The following ZNF585B variants were observed in gnomAD, a reference collection of about 807,000 sequenced individuals.
ZNF585B encodes the protein zinc finger protein 41-like protein.
In ZNF585B, 7 loss-of-function variants were observed where a neutral mutation model predicts 14.0. The observed-to-expected ratio is 0.50, with a 90% CI of 0.28 to 0.94. The LOEUF (loss-of-function observed/expected upper bound fraction) is 0.94, where lower values mean the gene tolerates loss of function less well. Among genes scored for constraint, ZNF585B ranks in the 40% least tolerant of loss-of-function variants. The probability of loss-of-function intolerance (pLI) is 0.09; values close to 1 mark genes in which losing one functional copy is unlikely to be tolerated. For synonymous variants in ZNF585B, 290 were observed against 317.3 expected, an observed-to-expected ratio of 0.91 and a Z score of 0.91; for missense variants, 750 against 924.4, an observed-to-expected ratio of 0.81 and a Z score of 2.45.
intron 2 of ZNF585B, chr19:37,190,570 G>GTT: frequency 6.7e-6 from 1 of 149,988 alleles, no homozygotes; most frequent in Non-Finnish European, 1.4e-5. Flanking sequence ...TTTTGTTTTT[G>GTT]TTTTTTTTCC....
chr19:37,198,644 G>A (rs1264420900), intron 2 of ZNF585B, among the ~76,000 whole-genome samples: 1 of 151,424 alleles, frequency 6.6e-6, no homozygotes, highest in East Asian at 2.0e-4. Context: ...GCTGAGACAG[G>A]AGAATCTCTT....
At chr19:37,201,355 T>C (rs1972529171) in intron 2 of ZNF585B, among the ~76,000 whole-genome samples, 1 of 152,070 alleles carries the variant, frequency 6.6e-6, no homozygotes, top group Non-Finnish European at 1.5e-5. Flanking sequence ...TAGGAAACTA[T>C]AGGAAAATAA....
At chr19:37,200,172 T>C (rs1018118837) in intron 2 of ZNF585B, among the ~76,000 whole-genome samples, 6 of 151,984 alleles carry the variant, frequency 3.9e-5, no homozygotes, top group African/African-American at 1.4e-4. Context: ...GAAAAATAAA[T>C]TGGCAGAACT....
rs1879096192 is a variant in ZNF585B at position 37,187,244 on chromosome 19, C to T, written c.293G>A (p.Gly98Glu). 1.3e-6 allele frequency: 2 copies of T among 1,595,958 alleles called. No homozygotes were observed. The highest frequency in any genetic ancestry group is 1.3e-5 in the African/African-American group (1 of 74,122). Residue 98 changes from glycine (G) to glutamate (E), a missense_variant and splice_region_variant, in exon 5 of 5, where the codon GGA becomes GAA. This residue lies in a region of ZNF585B where 517 missense variants were observed against 570.3 expected (regional missense o/e 0.91). Coordinates refer to ENST00000532828, the MANE Select transcript of ZNF585B (RefSeq NM_152279.4). The part of the protein sequence containing the change: ...QGERPRHSCP[G>E]EKLWDHNQHR... The stretch of plus-strand genomic sequence containing the variant: ...TTGATTATGGTCCCATAATTTCTCT[C>T]CTGTTGGAGTACATTCACAGTAAGT...
intron 2 of ZNF585B, among the ~76,000 whole-genome samples, chr19:37,193,122 A>G (rs542419466): frequency 2.0e-5 from 3 of 152,130 alleles, no homozygotes; most frequent in African/African-American, 7.2e-5. Flanking sequence ...GCGACAGTGC[A>G]AGACTCCATC....
At chr19:37,202,848 G>A in intron 2 of ZNF585B, among the ~76,000 whole-genome samples, 1 of 151,908 alleles carries the variant, frequency 6.6e-6, no homozygotes, top group Non-Finnish European at 1.5e-5. Context: ...TTACCACGTT[G>A]GTCAGGCTGG....
intron 2 of ZNF585B, among the ~76,000 whole-genome samples, chr19:37,192,514 A>T (rs1443789050): frequency 1.4e-5 from 2 of 141,246 alleles, no homozygotes; most frequent in South Asian, 2.3e-4. Flanking sequence ...CTCAAAAAAA[A>T]AAAAAATAAA....
chr19:37,196,523 A>G (rs925221001), intron 2 of ZNF585B, among the ~76,000 whole-genome samples: 2 of 152,086 alleles, frequency 1.3e-5, no homozygotes, highest in Non-Finnish European at 2.9e-5. Context: ...TTTGTAACAC[A>G]GATTTCTTTT....
At chr19:37,208,119 T>C (rs2145448331) in intron 1 of ZNF585B, among the ~76,000 whole-genome samples, 1 of 152,214 alleles carries the variant, frequency 6.6e-6, no homozygotes, top group South Asian at 2.1e-4. Flanking sequence ...ACTACAGGCA[T>C]GCGACACCAC....
intron 1 of ZNF585B, among the ~76,000 whole-genome samples, chr19:37,209,723 CTT>C (rs755649009): frequency 1.5e-4 from 18 of 117,980 alleles, no homozygotes; most frequent in Admixed American, 5.6e-4. Context: ...AAGTGCACTT[CTT>C]TTTTTTTTTT....
chr19:37,198,164 ATTTAT>A (rs1418046205), intron 2 of ZNF585B, among the ~76,000 whole-genome samples: 6 of 152,046 alleles, frequency 3.9e-5, no homozygotes, highest in African/African-American at 9.6e-5. Context: ...GAGCTTATTT[ATTTAT>A]TTTATTATTA....
Position 37,185,702 on chromosome 19 carries a change from C to G in ZNF585B, c.1835G>C (p.Gly612Ala). 6.3e-7 allele frequency: 1 copy of G among 1,597,254 alleles called. No individual in the cohort carries two copies. Among genetic ancestry groups the G allele is most frequent in the East Asian group, 2.3e-5 (1 of 44,198 alleles). ...GEKPYECSDC[G>A]KSFTSKSQLL... Reference sequence around the variant, plus strand: ...CTGAGACTTGGAGGTAAAGGACTTCCCACAGTCACTGCATTCATAAGGCTT... The same window carrying G: ...CTGAGACTTGGAGGTAAAGGACTTCGCACAGTCACTGCATTCATAAGGCTT... Residue 612 changes from glycine (G) to alanine (A), a missense_variant, in exon 5 of 5, where the codon GGG (glycine) becomes GCG (alanine). Physicochemically the swap from Gly to Ala is moderately conservative, Grantham distance 60 (BLOSUM62 0). Transcript: ENST00000532828.
At chr19:37,202,565 T>A (rs184160021) in intron 2 of ZNF585B, among the ~76,000 whole-genome samples, 1 of 152,282 alleles carries the variant, frequency 6.6e-6, no homozygotes, top group East Asian at 1.9e-4. Flanking sequence ...TTCTGTATAA[T>A]TTGTTCTTAC....
chr19:37,186,284 G>A lies in ZNF585B; in HGVS notation c.1253C>T (p.Ala418Val). Residue 418 changes from alanine to valine, a missense_variant, in exon 5 of 5, where the codon GCC (alanine) becomes GTC (valine). Transcript: ENST00000532828. ...KSYICMKCGL[A>V]FIRKAHLITH... is the part of the protein sequence containing the mutation. ...AATCAAGTGTGCCTTCCGGATGAAG[G>A]CCAGTCCACATTTCATGCATATATA... The A allele has an allele frequency of 2.5e-6, 4 of 1,613,974 alleles. No individual in the cohort carries two copies. The highest frequency in any genetic ancestry group is 3.4e-6 in the Non-Finnish European group (4 of 1,179,916).
Position 37,185,439 on chromosome 19 carries a change from T to C in ZNF585B, c.2098A>G (p.Thr700Ala), listed in dbSNP as rs1972322046. Residue 700 changes from threonine to alanine, a missense_variant, in exon 5 of 5, where the codon ACT becomes GCT. Coordinates refer to ENST00000532828, the MANE Select transcript of ZNF585B (RefSeq NM_152279.4). ...TGCACTTGGAGCTGTGATTTTTTAGTGAAAGACTTCCCACAGTCACTGCAC... is the reference window on the plus strand; with the variant it reads ...TGCACTTGGAGCTGTGATTTTTTAGCGAAAGACTTCCCACAGTCACTGCAC... Reference protein sequence around the residue: ...YECSDCGKSFTKKSQLQVHQR... With the variant: ...YECSDCGKSFAKKSQLQVHQR... 3 of 1,613,350 alleles carry C rather than the reference T, an allele frequency of 1.9e-6. No individual in the cohort carries two copies. The highest frequency in any genetic ancestry group is 2.5e-6 in the Non-Finnish European group (3 of 1,179,630).
chr19:37,184,484 GAAAGAAAGAA>G lies in ZNF585B; in HGVS notation c.*733_*742del, dbSNP rs1972306279. The G allele has an allele frequency of 3.4e-5, 4 of 118,572 alleles. No individual in the cohort carries two copies. Among genetic ancestry groups the G allele is most frequent in the African/African-American group, 1.4e-4 (4 of 28,788 alleles). 7.3% of individuals were successfully genotyped at this position (118,572 alleles called of 1,614,324 possible). ...AGAAAGAAAGAAAGAAAGAAAGAAA[GAAAGAAAGAA>G]AGAAAGAAAGAGAAAGAAAGAAAGA... On this transcript the variant is annotated 3_prime_UTR_variant, in exon 5 of 5. Coordinates refer to ENST00000532828, the MANE Select transcript of ZNF585B (RefSeq NM_152279.4).
intron 1 of ZNF585B, among the ~76,000 whole-genome samples, chr19:37,209,723 C>CTTTTT (rs755649009): frequency 1.6e-4 from 19 of 117,982 alleles, no homozygotes; most frequent in East Asian, 2.5e-4. Flanking sequence ...AAGTGCACTT[C>CTTTTT]TTTTTTTTTT....
chr19:37,195,133 T>A (rs985539781), intron 2 of ZNF585B, among the ~76,000 whole-genome samples: 7 of 150,812 alleles, frequency 4.6e-5, no homozygotes, highest in Non-Finnish European at 5.9e-5. Context: ...TCACATGAGG[T>A]CAGGAGTTCG....
Position 37,204,775 on chromosome 19 carries a change from C to T in ZNF585B, c.72+2265G>A, listed in dbSNP as rs1356806651. ...CTTTTTTTTTTTTTTGAGACAGAGG[C>T]TCACTCTGTCACCCAGACTGGAGTG... On this transcript the variant is annotated intron_variant, in intron 2 of 4. Coordinates refer to ENST00000532828, the MANE Select transcript of ZNF585B (RefSeq NM_152279.4). Among the ~76,000 whole-genome samples the T allele has an allele frequency of 2.7e-5, 4 of 150,344 alleles. No individual in the cohort carries two copies. In the South Asian group the frequency reaches 8.4e-4, roughly 32 times the overall value.
Sources: allele counts gnomAD v4.1 joint callset (sites outside exome capture counted in the v4.1 genomes callset), GRCh38; gene constraint gnomAD v4.1.1; regional missense constraint gnomAD v4.1.1; transcripts MANE v1.5; gene names NCBI Gene and HGNC (gene_info 2026-07-23, HGNC 2026-07-21).